The following ACKR2 variants were observed in gnomAD, a reference collection of about 807,000 sequenced individuals.
The protein encoded by ACKR2 is C-C chemokine receptor D6.
For synonymous variants in ACKR2, 207 were observed against 192.2 expected, an observed-to-expected ratio of 1.08 and a Z score of -0.64; for missense variants, 457 against 477.3, an observed-to-expected ratio of 0.96 and a Z score of 0.40.
chr3:42,812,953 T>A (rs1267324405), intron 1 of ACKR2, among the ~76,000 whole-genome samples: 1 of 152,140 alleles, frequency 6.6e-6, no homozygotes, highest in Admixed American at 6.6e-5. Context: ...CCTCCCAAAG[T>A]GCTGGGATTA....
rs559019219 is a variant in ACKR2, at chr3:42,856,400, C to A, written c.-37-8066C>A. 357 of 702,850 alleles carry A rather than the reference C, an allele frequency of 5.1e-4. 1 individual carries two copies. The highest frequency in any genetic ancestry group is 1.4e-3 in the Middle Eastern group (6 of 4,368). The allele number at this position is 702,850 out of a possible 1,614,324, so 43.5% of individuals were successfully genotyped here. A position where few individuals can be genotyped will look rare whatever the true frequency, so the allele number is the denominator to read the frequency against. On this transcript the variant is annotated intron_variant, in intron 2 of 2. Transcript: ENST00000422265. Reference sequence around the variant, plus strand: ...CAGCAGCACTGAATAGTTCCATCAGCCATGAGATCATGGTATCATAGATAC... The same window carrying A: ...CAGCAGCACTGAATAGTTCCATCAGACATGAGATCATGGTATCATAGATAC...
chr3:42,817,207 C>T (rs1321876606), intron 1 of ACKR2, among the ~76,000 whole-genome samples: 1 of 152,118 alleles, frequency 6.6e-6, no homozygotes, highest in Non-Finnish European at 1.5e-5. Context: ...CCAAACCAGG[C>T]CCCTTCCTCT....
At chr3:42,853,636 G>A (rs1431972671) in intron 2 of ACKR2, among the ~76,000 whole-genome samples, 4 of 152,022 alleles carry the variant, frequency 2.6e-5, no homozygotes, top group Non-Finnish European at 5.9e-5. Flanking sequence ...TCAAATCCTG[G>A]CTCTACTACT....
At chr3:42,854,533 A>G (rs2088290847) in intron 2 of ACKR2, among the ~76,000 whole-genome samples, 1 of 152,160 alleles carries the variant, frequency 6.6e-6, no homozygotes, top group African/African-American at 2.4e-5. Context: ...TGTGAGGGCC[A>G]TCCAATCCCC....
intron 2 of ACKR2, among the ~76,000 whole-genome samples, chr3:42,836,430 T>C (rs1156280195): frequency 6.6e-6 from 1 of 152,272 alleles, no homozygotes; most frequent in East Asian, 1.9e-4. Flanking sequence ...TATTATCAAG[T>C]CCTCACTTAG....
At position 42,852,687 on chromosome 3, in the gene ACKR2, C is replaced by T. The variant is rs1486510849; in HGVS notation, c.-37-11779C>T. 6.6e-6 allele frequency among the ~76,000 whole-genome samples: 1 copy of T among 152,190 alleles called. No homozygotes were observed. Among genetic ancestry groups the T allele is most frequent in the Non-Finnish European group, 1.5e-5 (1 of 68,038 alleles). ...ACTTTGTGTAATCTGGTGTACCAGA[C>T]GTGGCTCTGGGCATGAAAACAGACA... On this transcript the variant is annotated intron_variant, in intron 2 of 2. Coordinates refer to ENST00000422265, the MANE Select transcript of ACKR2 (RefSeq NM_001296.5). This position sits in a 1 kb window ranked among gnomAD's most constrained non-coding sequence, Gnocchi z 4.3.
intron 2 of ACKR2, 77 bp from the exon 3 acceptor site, chr3:42,864,389 A>G: frequency 1.5e-6 from 2 of 1,329,672 alleles, no homozygotes; most frequent in South Asian, 1.5e-5. Flanking sequence ...AGTCTATTGG[A>G]CATCCCAGGG....
At chr3:42,839,481 G>A (rs1470810746) in intron 2 of ACKR2, among the ~76,000 whole-genome samples, 1 of 152,084 alleles carries the variant, frequency 6.6e-6, no homozygotes, top group Non-Finnish European at 1.5e-5. Context: ...TTGCCCAATG[G>A]AGCCTTTGAA....
Position 42,865,763 on chromosome 3 carries a change from T to A in ACKR2, c.*106T>A. The A allele has an allele frequency of 2.2e-6, 2 of 894,634 alleles. No homozygotes were observed. The highest frequency in any genetic ancestry group is 3.4e-6 in the Non-Finnish European group (2 of 587,168). 55.4% of individuals were successfully genotyped at this position (894,634 alleles called of 1,614,324 possible). ...TCAGTGACTGTGTTGCTAAACCCAG[T>A]GGTCAGTTCTCAGTTCTCAGCCATC... On this transcript the variant is annotated 3_prime_UTR_variant, in exon 3 of 3. Coordinates refer to ENST00000422265, the MANE Select transcript of ACKR2 (RefSeq NM_001296.5).
At chr3:42,843,945 G>A (rs1440465848) in intron 2 of ACKR2, 4 of 152,202 alleles carry the variant, frequency 2.6e-5, no homozygotes, top group Non-Finnish European at 5.9e-5. Flanking sequence ...GATATGTGAT[G>A]TGGGTGGGGC....
intron 1 of ACKR2, among the ~76,000 whole-genome samples, chr3:42,817,348 C>G (rs532594057): frequency 5.1e-4 from 78 of 152,256 alleles, no homozygotes; most frequent in Non-Finnish European, 8.8e-4. Flanking sequence ...GCCTCGACTT[C>G]CATTCCCCTG....
chr3:42,830,193 A>G (rs536809544), intron 2 of ACKR2, among the ~76,000 whole-genome samples: 1 of 152,304 alleles, frequency 6.6e-6, no homozygotes, highest in Admixed American at 6.5e-5. Flanking sequence ...GGGGTCTTAG[A>G]TAGTATTCCT....
At chr3:42,825,452 AT>A (rs1331790348) in intron 2 of ACKR2, among the ~76,000 whole-genome samples, 1 of 151,366 alleles carries the variant, frequency 6.6e-6, no homozygotes, top group East Asian at 1.9e-4. Flanking sequence ...TAGGTATCTT[AT>A]TTTTTCTGAT....
At chr3:42,846,187 G>T (rs192247826) in intron 2 of ACKR2, among the ~76,000 whole-genome samples, 1 of 150,984 alleles carries the variant, frequency 6.6e-6, no homozygotes, top group Admixed American at 6.6e-5. Context: ...ATTATTGTTC[G>T]GCCCCTAGTG....
chr3:42,848,663 C>CA, intron 2 of ACKR2, among the ~76,000 whole-genome samples: 3 of 152,084 alleles, frequency 2.0e-5, no homozygotes, highest in Middle Eastern at 6.8e-3. Flanking sequence ...AATTAGTGGA[C>CA]AAAAGCATGA....
chr3:42,857,110 C>T (rs182820258), intron 2 of ACKR2, among the ~76,000 whole-genome samples: 54 of 152,114 alleles, frequency 3.5e-4, no homozygotes, highest in African/African-American at 1.2e-3. Context: ...AGGCACCTGC[C>T]GTCTTGAATT....
In ACKR2 at chr3:42,847,459, G is replaced by C. The variant is rs1701110324; in HGVS notation, c.-37-17007G>C. 1.3e-5 allele frequency among the ~76,000 whole-genome samples: 2 copies of C among 152,184 alleles called. 1 individual carries two copies. The highest frequency in any genetic ancestry group is 4.1e-4 in the South Asian group (2 of 4,826). On this transcript the variant is annotated intron_variant, in intron 2 of 2. Transcript: ENST00000422265. ...AGCAAATAAAAGTGAGTAAATGTGG[G>C]CTCTAACCAGGCTTCTAAATTGGAG... is the stretch of plus-strand genomic sequence containing the variant.
intron 1 of ACKR2, among the ~76,000 whole-genome samples, chr3:42,815,452 G>A (rs1700739206): frequency 6.6e-6 from 1 of 152,176 alleles, no homozygotes; most frequent in Admixed American, 6.5e-5. Flanking sequence ...TGCCCTAACA[G>A]GCTATTCATA....
intron 2 of ACKR2, chr3:42,835,471 C>T (rs1700979219): frequency 6.6e-6 from 1 of 151,942 alleles, no homozygotes; most frequent in South Asian, 2.1e-4. Flanking sequence ...TCTCCAGGAC[C>T]ACTCTCCTTC....
Sources: gnomAD v4.1 joint callset for allele counts (sites outside exome capture counted in the v4.1 genomes callset) on GRCh38, gnomAD v4.1.1 for gene constraint, Gnocchi (gnomAD v3.1) non-coding constraint, MANE v1.5 for transcripts, NCBI Gene and HGNC (gene_info 2026-07-23, HGNC 2026-07-21) for gene names.